Variants in GPI observed in about 807,000 individuals in gnomAD.
The protein encoded by GPI is D-hexose-6-phosphate anomerase.
GPI carries 56 observed loss-of-function variants against 75.8 expected under a neutral mutation model. The ratio of observed to expected loss-of-function variants is 0.74; its 90% CI spans 0.60 to 0.92. The LOEUF (loss-of-function observed/expected upper bound fraction) is 0.92, where lower values mean the gene tolerates loss of function less well. GPI is among the 40% of genes least tolerant of loss of function. GPI has a pLI of 0.00. For synonymous variants in GPI, 288 were observed against 285.4 expected, an observed-to-expected ratio of 1.01 and a Z score of -0.09; for missense variants, 638 against 741.0, an observed-to-expected ratio of 0.86 and a Z score of 1.61.
chr19:34,366,999 T>C, intron 3 of GPI, 148 bp downstream of exon 3: 1 of 720,102 alleles, frequency 1.4e-6, no homozygotes, highest in Non-Finnish European at 2.5e-6. Context: ...TCCTCCTGCT[T>C]GTAGCAGGGC....
chr19:34,397,656 C>T (rs1481875753), intron 14 of GPI: 1 of 151,770 alleles, frequency 6.6e-6, no homozygotes, highest in South Asian at 2.1e-4. Context: ...CACTTACAGG[C>T]ACTAACAGCC....
In GPI at chr19:34,393,839, C is replaced by G. The variant is rs966803345; in HGVS notation, c.909+68C>G. ...CGCGTGTGTTGGTCCTGGTCCCCCG[C>G]TTTCTCCCCCACTGTCCTGTCCCTC... On this transcript the variant is annotated intron_variant, in intron 11 of 17. Coordinates refer to ENST00000356487, the MANE Select transcript of GPI (RefSeq NM_000175.5). This position sits in a 1 kb window ranked among gnomAD's most constrained non-coding sequence, Gnocchi z 4.4. 3 of 1,603,696 alleles carry G rather than the reference C, an allele frequency of 1.9e-6. No homozygotes were observed. The African/African-American group carries it at 4.0e-5, about 21-fold the overall frequency.
chr19:34,377,163 G>A (rs1238051744), intron 4 of GPI, among the ~76,000 whole-genome samples: 2 of 150,044 alleles, frequency 1.3e-5, no homozygotes, highest in Admixed American at 1.3e-4. Context: ...CTAGCTGGGT[G>A]TGGTGGCGGG....
chr19:34,378,134 TCTGCTCAGCCTGGGA>T (rs1337426865), intron 6 of GPI, among the ~76,000 whole-genome samples: 2 of 152,236 alleles, frequency 1.3e-5, no homozygotes, highest in Non-Finnish European at 2.9e-5. Flanking sequence ...TTGCGGCATC[TCTGCTCAGCCTGGGA>T]CTGCTCGCCA....
chr19:34,389,197 C>T (rs1337130933), intron 9 of GPI, among the ~76,000 whole-genome samples: 1 of 152,188 alleles, frequency 6.6e-6, no homozygotes, highest in Non-Finnish European at 1.5e-5. Context: ...GTAAGGTTCC[C>T]GGAAACCCAG....
chr19:34,365,144 G>T (rs2074335911), upstream of GPI: 1 of 1,232,204 alleles, frequency 8.1e-7, no homozygotes, highest in Non-Finnish European at 1.0e-6. Flanking sequence ...GGGCCGGGCC[G>T]GGCCGGGCCG....
intron 3 of GPI, 41 bp from the exon 4 acceptor site, chr19:34,368,542 G>T (rs765382759): frequency 1.9e-6 from 3 of 1,612,980 alleles, no homozygotes; most frequent in South Asian, 2.2e-5. Context: ...GCTGCCTGGG[G>T]TTGGGGGGGG....
intron 3 of GPI, among the ~76,000 whole-genome samples, chr19:34,368,238 C>G (rs1033520556): frequency 2.0e-5 from 3 of 152,206 alleles, no homozygotes; most frequent in African/African-American, 7.2e-5. Flanking sequence ...GCATTTATTG[C>G]TTGTTTCTGA....
intron 1 of GPI, 155 bp downstream of exon 1, chr19:34,365,543 C>T (rs1404851443): frequency 8.1e-7 from 1 of 1,237,074 alleles, no homozygotes; most frequent in Non-Finnish European, 1.1e-6. Context: ...GCACTTCGTC[C>T]TTGGAGTCTC....
At chr19:34,395,436 G>A (rs945758756) in intron 12 of GPI, among the ~76,000 whole-genome samples, 1 of 152,112 alleles carries the variant, frequency 6.6e-6, no homozygotes, top group East Asian at 1.9e-4. Flanking sequence ...CAGCTACTTG[G>A]GAGGCTGAGG....
At position 34,402,036 on chromosome 19, in the gene GPI, C is replaced by T. The variant is rs187999646; in HGVS notation, c.*2000C>T. The T allele has an allele frequency of 1.3e-5, 2 of 152,116 alleles. No individual in the cohort carries two copies. The highest frequency in any genetic ancestry group is 1.3e-4 in the Admixed American group (2 of 15,282). 9.4% of individuals were successfully genotyped at this position (152,116 alleles called of 1,614,324 possible). The stretch of plus-strand genomic sequence containing the variant: ...GTGTTAGCCAGGATGGTCTTGATCT[C>T]CTGACCTCATGATCCGCCTGCTTTG... On this transcript the variant is annotated 3_prime_UTR_variant, in exon 18 of 18. Transcript: ENST00000356487.
In GPI at chr19:34,400,029, T is replaced by TC. The variant is rs1455110620; in HGVS notation, c.1672dup (p.Gln558ProfsTer47). 1 of 1,611,240 alleles carries TC rather than the reference T, an allele frequency of 6.2e-7. No individual in the cohort carries two copies. Among genetic ancestry groups the TC allele is most frequent in the Non-Finnish European group, 8.5e-7 (1 of 1,179,954 alleles). On this transcript the variant is annotated frameshift_variant, in exon 18 of 18. Transcript: ENST00000356487. LOFTEE classifies it high-confidence loss of function. ...ATCAAGCAGCAGCGCGAGGCCAGAGTCCAATAAACTCGTGCTCATCTGCAG... is the reference window on the plus strand; with the variant it reads ...ATCAAGCAGCAGCGCGAGGCCAGAGTCCCAATAAACTCGTGCTCATCTGCAG...
intron 8 of GPI, chr19:34,381,213 C>T: frequency 1.8e-6 from 1 of 571,332 alleles, no homozygotes; most frequent in Middle Eastern, 4.8e-4. Flanking sequence ...TACAGCTGCC[C>T]TCAGCAGGGG....
At chr19:34,366,736 G>T in intron 2 of GPI, 47 bp from the exon 3 acceptor site, 1 of 1,302,384 alleles carries the variant, frequency 7.7e-7, no homozygotes, top group East Asian at 2.3e-5. Context: ...TGACACTTGG[G>T]GTGGCCAGTG....
rs375457706 is a variant in GPI at position 34,393,277 on chromosome 19, G to A, written c.834G>A (p.Ser278=). The change falls in exon 10 of 18, where the codon TCG becomes TCA. Residue 278 remains serine (S), a synonymous_variant. Coordinates refer to ENST00000356487, the MANE Select transcript of GPI (RefSeq NM_000175.5). The surrounding 1 kb of genome is among the most constrained non-coding windows in gnomAD (Gnocchi z 4.4). ...DWVGGRYSLW[S]AIGLSIALHV... ...TGGGAGGACGCTACTCGCTGTGGTC[G>A]GCCATCGGACTCTCCATTGCCCTGC... 17 of 1,613,582 alleles carry A rather than the reference G, an allele frequency of 1.1e-5. No homozygotes were observed. Among genetic ancestry groups the A allele is most frequent in the Middle Eastern group, 1.7e-4 (1 of 6,056 alleles).
At chr19:34,392,904 C>T (rs376753558) in intron 9 of GPI, 61 of 328,502 alleles carry the variant, frequency 1.9e-4, no homozygotes, top group African/African-American at 1.0e-3. Context: ...TGGGCCCTGG[C>T]GCAGGTATGA....
rs1162545966 is a variant in GPI, at chr19:34,377,809, T to C, written c.561T>C (p.Ile187=). 1.2e-6 allele frequency: 2 copies of C among 1,613,908 alleles called. No individual in the cohort carries two copies. The highest frequency in any genetic ancestry group is 8.5e-7 in the Non-Finnish European group (1 of 1,179,944). ...CCCGCGTCTGGTATGTCTCCAACAT[T>C]GATGGAACTCACATTGCCAAAACCC... ...GGPRVWYVSN[I]DGTHIAKTLA... The change falls in exon 6 of 18, where the codon ATT becomes ATC. Residue 187 remains isoleucine (I), a synonymous_variant. Coordinates refer to ENST00000356487, the MANE Select transcript of GPI (RefSeq NM_000175.5).
chr19:34,396,395 A>G lies in GPI; in HGVS notation c.1157A>G (p.Asn386Ser), dbSNP rs1368098896. The change falls in exon 13 of 18, where the codon AAT (asparagine) becomes AGT (serine). Residue 386 changes from asparagine (N) to serine (S), a missense_variant. Coordinates refer to ENST00000356487, the MANE Select transcript of GPI (RefSeq NM_000175.5). ...ATTGTGTGGGGGGAGCCAGGGACCAATGGCCAGCATGCTTTTTACCAGCTC... is the reference window on the plus strand; with the variant it reads ...ATTGTGTGGGGGGAGCCAGGGACCAGTGGCCAGCATGCTTTTTACCAGCTC... ...GPIVWGEPGT[N>S]GQHAFYQLIH... 6.2e-7 allele frequency: 1 copy of G among 1,614,216 alleles called. No homozygotes were observed. Among genetic ancestry groups the G allele is most frequent in the East Asian group, 2.2e-5 (1 of 44,880 alleles).
At chr19:34,391,384 T>A (rs2074828789) in intron 9 of GPI, among the ~76,000 whole-genome samples, 7 of 57,662 alleles carry the variant, frequency 1.2e-4, no homozygotes, top group Non-Finnish European at 9.9e-5. Context: ...TCTGTCAATA[T>A]CAGAGGAGGT....
Sources: gnomAD v4.1 joint callset for allele counts (sites outside exome capture counted in the v4.1 genomes callset) on GRCh38, gnomAD v4.1.1 for gene constraint, Gnocchi (gnomAD v3.1) non-coding constraint, MANE v1.5 for transcripts, NCBI Gene and HGNC (gene_info 2026-07-23, HGNC 2026-07-21) for gene names.